CNTN3: variants seen among roughly 807,000 people sequenced by gnomAD.
CNTN3 encodes contactin-3.
A neutral mutation model predicts 119.1 loss-of-function variants in CNTN3; 60 were observed. That is an observed-to-expected ratio of 0.50 (90% CI 0.41 to 0.62). The LOEUF is 0.62. Among genes scored for constraint, CNTN3 ranks in the 20% least tolerant of loss-of-function variants. The pLI, the probability that CNTN3 is intolerant of heterozygous loss-of-function variation, is 0.00. For synonymous variants in CNTN3, 450 were observed against 438.7 expected, an observed-to-expected ratio of 1.03 and a Z score of -0.32; for missense variants, 1,101 against 1,242.4, an observed-to-expected ratio of 0.89 and a Z score of 1.71.
In CNTN3 at chr3:74,359,193, C is replaced by T. The variant is rs545730348; in HGVS notation, c.1364+2697G>A. Reference sequence around the variant, plus strand: ...AGTCCAGGTAGCCTTGACTGTCAGCCTTCACAGTGACCAACCAACCAATGA... The same window carrying T: ...AGTCCAGGTAGCCTTGACTGTCAGCTTTCACAGTGACCAACCAACCAATGA... On this transcript the variant is annotated intron_variant, in intron 11 of 22. Coordinates refer to ENST00000263665, the MANE Select transcript of CNTN3 (RefSeq NM_020872.3). 2.0e-5 allele frequency among the ~76,000 whole-genome samples: 3 copies of T among 152,190 alleles called. No individual in the cohort carries two copies. The South Asian group carries it at 6.2e-4, about 32-fold the overall frequency.
rs1002577360 is a variant in CNTN3, at chr3:74,473,782, A to T, written c.358+12674T>A. On this transcript the variant is annotated intron_variant, in intron 4 of 22. Transcript: ENST00000263665. ...AAGCAGTGACCTGATGATGGAGCAAACTGTACAGACCCGGGGGAAGGGTCT... is the reference window on the plus strand; with the variant it reads ...AAGCAGTGACCTGATGATGGAGCAATCTGTACAGACCCGGGGGAAGGGTCT... 8.5e-5 allele frequency among the ~76,000 whole-genome samples: 13 copies of T among 152,330 alleles called. No individual in the cohort carries two copies. The East Asian group carries it at 1.7e-3, about 20-fold the overall frequency.
At chr3:74,502,550 C>A (rs539692512) in intron 2 of CNTN3, among the ~76,000 whole-genome samples, 1 of 152,268 alleles carries the variant, frequency 6.6e-6, no homozygotes, top group African/African-American at 2.4e-5. Flanking sequence ...CACTAAGCAG[C>A]TATTTACATC....
intron 13 of CNTN3, among the ~76,000 whole-genome samples, chr3:74,309,130 A>T (rs1022522311): frequency 7.2e-5 from 11 of 151,848 alleles, no homozygotes; most frequent in African/African-American, 2.7e-4. Flanking sequence ...TTTGAGATGG[A>T]GTTTCACTCT....
At chr3:74,275,860 G>T (rs1219064563) in intron 20 of CNTN3, among the ~76,000 whole-genome samples, 1 of 152,074 alleles carries the variant, frequency 6.6e-6, no homozygotes, top group Non-Finnish European at 1.5e-5. Context: ...GAATGGGTAA[G>T]AATTCACCAA....
intron 1 of CNTN3, among the ~76,000 whole-genome samples, chr3:74,586,815 G>T (rs1350824770): frequency 6.6e-6 from 1 of 151,968 alleles, no homozygotes; most frequent in Non-Finnish European, 1.5e-5. Flanking sequence ...ACCCTATCTT[G>T]AACACTACCC....
chr3:74,548,487 T>C (rs557006631), intron 1 of CNTN3, among the ~76,000 whole-genome samples: 34 of 152,308 alleles, frequency 2.2e-4, no homozygotes, highest in African/African-American at 8.2e-4. Context: ...TCTGACTATA[T>C]AGTAAAATAC....
In CNTN3 at chr3:74,306,971, C is replaced by G. The variant is rs975493136; in HGVS notation, c.1669-4164G>C. ...TGTAAAATTATAATGTAATGTAAACCCAAAGTACATTGGGGGAATCTAGAA... is the reference window on the plus strand; with the variant it reads ...TGTAAAATTATAATGTAATGTAAACGCAAAGTACATTGGGGGAATCTAGAA... On this transcript the variant is annotated intron_variant, in intron 13 of 22. Transcript: ENST00000263665. 2.0e-5 allele frequency among the ~76,000 whole-genome samples: 3 copies of G among 151,988 alleles called. No homozygotes were observed. The South Asian group carries it at 6.2e-4, about 31-fold the overall frequency.
chr3:74,320,291 G>C (rs887749952), intron 13 of CNTN3, among the ~76,000 whole-genome samples: 24 of 152,184 alleles, frequency 1.6e-4, no homozygotes, highest in African/African-American at 5.5e-4. Context: ...ACGATAGACT[G>C]GATTAAGAAA....
chr3:74,473,852 T>A (rs1423014510), intron 4 of CNTN3, among the ~76,000 whole-genome samples: 1 of 151,900 alleles, frequency 6.6e-6, no homozygotes, highest in Non-Finnish European at 1.5e-5. Context: ...AAGATAAGTG[T>A]GAGAGAAGTG....
chr3:74,292,688 C>A (rs1029810004), intron 19 of CNTN3, among the ~76,000 whole-genome samples: 1 of 152,220 alleles, frequency 6.6e-6, no homozygotes, highest in Non-Finnish European at 1.5e-5. Context: ...TGTCCCCATT[C>A]TACAGGTGAG....
At chr3:74,601,536 G>T (rs1350794128) in intron 1 of CNTN3, among the ~76,000 whole-genome samples, 1 of 152,112 alleles carries the variant, frequency 6.6e-6, no homozygotes, top group Non-Finnish European at 1.5e-5. Context: ...TAAAGTGACA[G>T]TTTACATTTC....
intron 4 of CNTN3, among the ~76,000 whole-genome samples, chr3:74,438,273 G>T (rs1276199825): frequency 6.6e-6 from 1 of 152,160 alleles, no homozygotes; most frequent in Non-Finnish European, 1.5e-5. Flanking sequence ...ACCACTCTGT[G>T]ATTGAATCTC....
chr3:74,320,385 G>A (rs144400187), intron 13 of CNTN3, among the ~76,000 whole-genome samples: 67 of 152,170 alleles, frequency 4.4e-4, no homozygotes, highest in Non-Finnish European at 7.8e-4. Context: ...GGATGAAGCT[G>A]GAAACCATCA....
At chr3:74,343,993 A>C (rs1389349036) in intron 11 of CNTN3, among the ~76,000 whole-genome samples, 1 of 152,198 alleles carries the variant, frequency 6.6e-6, no homozygotes, top group Non-Finnish European at 1.5e-5. Flanking sequence ...TTGCTCCAAC[A>C]ACATGGTACA....
intron 1 of CNTN3, among the ~76,000 whole-genome samples, chr3:74,571,845 T>C (rs1704340142): frequency 6.6e-6 from 1 of 152,168 alleles, no homozygotes; most frequent in South Asian, 2.1e-4. Flanking sequence ...ACTTTTCTTG[T>C]CCAACTACTG....
intron 4 of CNTN3, among the ~76,000 whole-genome samples, chr3:74,433,370 A>G (rs538654518): frequency 2.0e-5 from 3 of 152,072 alleles, no homozygotes; most frequent in Admixed American, 6.6e-5. Context: ...TACCACAAAC[A>G]GATTTTTTCC....
At chr3:74,383,723 G>T (rs1176847193) in intron 5 of CNTN3, among the ~76,000 whole-genome samples, 1 of 152,140 alleles carries the variant, frequency 6.6e-6, no homozygotes, top group African/African-American at 2.4e-5. Context: ...TAGCACAAGC[G>T]ATCCACTCAC....
At chr3:74,369,677 G>T (rs1394764326) in intron 7 of CNTN3, among the ~76,000 whole-genome samples, 2 of 149,114 alleles carry the variant, frequency 1.3e-5, no homozygotes, top group African/African-American at 4.9e-5. Flanking sequence ...TATGAAATTC[G>T]GCAGGCAGAG....
At chr3:74,514,406 T>C (rs944892260) in intron 2 of CNTN3, among the ~76,000 whole-genome samples, 18 of 152,176 alleles carry the variant, frequency 1.2e-4, no homozygotes, top group Non-Finnish European at 2.6e-4. Flanking sequence ...GATGTTTTTG[T>C]AGCCATTATT....
Sources: gnomAD v4.1 joint callset for allele counts (sites outside exome capture counted in the v4.1 genomes callset) on GRCh38, gnomAD v4.1.1 for gene constraint, MANE v1.5 for transcripts, NCBI Gene and HGNC (gene_info 2026-07-23, HGNC 2026-07-21) for gene names.